Variants in NLGN1 observed in about 807,000 individuals in gnomAD.
NLGN1 encodes neuroligin-1.
NLGN1 carries 12 observed loss-of-function variants against 65.5 expected under a neutral mutation model. The ratio of observed to expected loss-of-function variants is 0.18; its 90% CI spans 0.12 to 0.30. NLGN1 has a LOEUF of 0.30. Among genes scored for constraint, NLGN1 ranks in the 10% least tolerant of loss-of-function variants. NLGN1 has a pLI of 1.00. For synonymous variants in NLGN1, 350 were observed against 359.5 expected, an observed-to-expected ratio of 0.97 and a Z score of 0.30; for missense variants, 750 against 1,007.1, an observed-to-expected ratio of 0.74 and a Z score of 3.46.
chr3:174,084,771 T>C (rs1742927029), intron 4 of NLGN1, among the ~76,000 whole-genome samples: 1 of 152,084 alleles, frequency 6.6e-6, no homozygotes, highest in South Asian at 2.1e-4. Context: ...AGTTTACACT[T>C]TTGTAATTCA....
intron 4 of NLGN1, among the ~76,000 whole-genome samples, chr3:173,832,681 A>G (rs1031383779): frequency 1.3e-5 from 2 of 152,230 alleles, no homozygotes; most frequent in African/African-American, 4.8e-5. Flanking sequence ...ATTAACTTCT[A>G]TCTCACGTTA....
At chr3:173,419,017 CTTCTTTTTTTTTTTTT>C (rs1714410598) in intron 1 of NLGN1, among the ~76,000 whole-genome samples, 1 of 11,280 alleles carries the variant, frequency 8.9e-5, no homozygotes, top group Admixed American at 1.0e-3. Flanking sequence ...CTTTCTTCTT[CTTCTTTTTTTTTTTTT>C]TTTTTTTTTT....
chr3:174,153,280 G>A (rs886736660), intron 4 of NLGN1, among the ~76,000 whole-genome samples: 1 of 152,074 alleles, frequency 6.6e-6, no homozygotes, highest in African/African-American at 2.4e-5. Flanking sequence ...ACAATGCTCA[G>A]TATGATGATT....
At chr3:173,764,071 C>G (rs1314156811) in intron 3 of NLGN1, among the ~76,000 whole-genome samples, 1 of 152,176 alleles carries the variant, frequency 6.6e-6, no homozygotes, top group East Asian at 1.9e-4. Flanking sequence ...GGCATGATCA[C>G]TCTTTGAAGT....
intron 4 of NLGN1, among the ~76,000 whole-genome samples, chr3:174,262,436 G>T (rs367654128): frequency 2.2e-5 from 3 of 135,488 alleles, no homozygotes; most frequent in Non-Finnish European, 4.7e-5. Context: ...GTCAAGGAAT[G>T]TATCCATTTC....
chr3:173,475,302 A>C (rs544567393), intron 2 of NLGN1, among the ~76,000 whole-genome samples: 4 of 128,702 alleles, frequency 3.1e-5, no homozygotes, highest in Non-Finnish European at 5.2e-5. Context: ...TTTCTAAATG[A>C]ATCATTCTTT....
At chr3:174,154,993 T>TATA (rs1491105815) in intron 4 of NLGN1, among the ~76,000 whole-genome samples, 1 of 122,472 alleles carries the variant, frequency 8.2e-6, no homozygotes. Flanking sequence ...TATTATATAT[T>TATA]ATATATATTT....
chr3:173,718,668 A>G (rs1490058097), intron 3 of NLGN1, among the ~76,000 whole-genome samples: 4 of 152,186 alleles, frequency 2.6e-5, no homozygotes, highest in African/African-American at 9.7e-5. Context: ...CATATGACAA[A>G]TTCTGGTTAT....
At chr3:174,191,685 A>C (rs575459871) in intron 4 of NLGN1, among the ~76,000 whole-genome samples, 1 of 152,166 alleles carries the variant, frequency 6.6e-6, no homozygotes, top group African/African-American at 2.4e-5. Context: ...GCAAAATTAC[A>C]GTTTCCACAA....
chr3:173,433,180 T>C (rs1717504099), intron 1 of NLGN1, among the ~76,000 whole-genome samples: 1 of 152,212 alleles, frequency 6.6e-6, no homozygotes, highest in South Asian at 2.1e-4. Context: ...ATTGCTGCCA[T>C]TGTGCCTTCC....
At chr3:173,934,981 C>T (rs1252561756) in intron 4 of NLGN1, among the ~76,000 whole-genome samples, 1 of 151,904 alleles carries the variant, frequency 6.6e-6, no homozygotes, top group Non-Finnish European at 1.5e-5. Context: ...TTATTATTTC[C>T]ATTATACAGA....
intron 4 of NLGN1, among the ~76,000 whole-genome samples, chr3:173,837,984 A>T (rs1158220749): frequency 1.3e-5 from 2 of 152,180 alleles, no homozygotes; most frequent in East Asian, 3.9e-4. Flanking sequence ...CAAATGGCAC[A>T]CTTAAAGCTG....
intron 4 of NLGN1, among the ~76,000 whole-genome samples, chr3:174,206,969 C>T (rs1406541479): frequency 6.6e-6 from 1 of 152,104 alleles, no homozygotes; most frequent in Non-Finnish European, 1.5e-5. Context: ...CTTATTCCCC[C>T]TGGACTGGTC....
intron 4 of NLGN1, among the ~76,000 whole-genome samples, chr3:173,811,088 T>C (rs1717816540): frequency 6.6e-6 from 1 of 152,230 alleles, no homozygotes; most frequent in Non-Finnish European, 1.5e-5. Flanking sequence ...TAACTTTTCT[T>C]TCACTTTTGA....
intron 2 of NLGN1, among the ~76,000 whole-genome samples, chr3:173,473,104 T>C (rs1242142458): frequency 6.6e-6 from 1 of 152,206 alleles, no homozygotes; most frequent in Non-Finnish European, 1.5e-5. Context: ...AAATCCTCAA[T>C]AGACATCATG....
chr3:173,826,876 T>G (rs1004643863), intron 4 of NLGN1, among the ~76,000 whole-genome samples: 4 of 152,120 alleles, frequency 2.6e-5, no homozygotes, highest in Non-Finnish European at 5.9e-5. Flanking sequence ...GAAAAAGGTC[T>G]CTGGTTTGCA....
At position 174,279,470 on chromosome 3, in the gene NLGN1, A is replaced by T. The variant is rs774940568; in HGVS notation, c.1469A>T (p.His490Leu). Residue 490 changes from histidine to leucine, a missense_variant, in exon 6 of 7, where the codon CAT (histidine) becomes CTT (leucine). Physicochemically the swap from His to Leu is moderately conservative, Grantham distance 99. Transcript: ENST00000457714. The surrounding 1 kb of genome is among the most constrained non-coding windows in gnomAD (Gnocchi z 4.7). ...CCTACGTACTTCTATGCCTTTTACC[A>T]TCATTGCCAAACAGATCAGGTTCCA... 2 of 1,613,168 alleles carry T rather than the reference A, an allele frequency of 1.2e-6. No individual in the cohort carries two copies. The highest frequency in any genetic ancestry group is 4.5e-5 in the East Asian group (2 of 44,822).
chr3:173,858,768 G>A (rs925493496), intron 4 of NLGN1, among the ~76,000 whole-genome samples: 16 of 151,946 alleles, frequency 1.1e-4, no homozygotes, highest in African/African-American at 3.9e-4. Context: ...ATTCATCTTT[G>A]ACCTAAATCG....
intron 3 of NLGN1, among the ~76,000 whole-genome samples, chr3:173,716,003 T>C (rs1376051872): frequency 1.3e-5 from 2 of 152,172 alleles, no homozygotes; most frequent in Non-Finnish European, 2.9e-5. Context: ...ATATTAAAAA[T>C]ACCTAATACA....
Sources: gnomAD v4.1 joint callset for allele counts (sites outside exome capture counted in the v4.1 genomes callset) on GRCh38, gnomAD v4.1.1 for gene constraint, Gnocchi (gnomAD v3.1) non-coding constraint, MANE v1.5 for transcripts, NCBI Gene and HGNC (gene_info 2026-07-23, HGNC 2026-07-21) for gene names.